UNK: variants seen among roughly 807,000 people sequenced by gnomAD.
UNK encodes the protein unk zinc finger, also known as RING finger protein unkempt homolog.
A neutral mutation model predicts 97.6 loss-of-function variants in UNK; 32 were observed. The ratio of observed to expected loss-of-function variants is 0.33; its 90% CI spans 0.25 to 0.44. The LOEUF is 0.44. Among genes scored for constraint, UNK ranks in the 20% least tolerant of loss-of-function variants. The pLI, the probability that UNK is intolerant of heterozygous loss-of-function variation, is 1.00. For synonymous variants in UNK, 441 were observed against 461.2 expected, an observed-to-expected ratio of 0.96 and a Z score of 0.56; for missense variants, 771 against 1,098.4, an observed-to-expected ratio of 0.70 and a Z score of 4.21.
In UNK at chr17:75,818,653, C is replaced by T; in HGVS notation, c.1383C>T (p.Gly461=). 1 of 1,594,974 alleles carries T rather than the reference C, an allele frequency of 6.3e-7. No homozygotes were observed. Among genetic ancestry groups the T allele is most frequent in the Admixed American group, 1.8e-5 (1 of 57,096 alleles). Residue 461 remains glycine, a synonymous_variant, in exon 11 of 16, where the codon GGC becomes GGT. Coordinates refer to ENST00000589666, the MANE Select transcript of UNK (RefSeq NM_001080419.3). This position sits in a 1 kb window ranked among gnomAD's most constrained non-coding sequence, Gnocchi z 5.1. ...CTCTCTCGTTGCAGGACATGCTGGG[C>T]ATCCTCCCCGCAGGCAGCCCCCTGA... ...PLLQPKQDML[G]ILPAGSPLTS...
chr17:75,809,492 G>A (rs2061948889), intron 1 of UNK, among the ~76,000 whole-genome samples: 1 of 152,216 alleles, frequency 6.6e-6, no homozygotes, highest in South Asian at 2.1e-4. Context: ...GCTGATTAAC[G>A]CCACAGCTGG....
At chr17:75,791,868 C>T in intron 1 of UNK, 1 of 985,394 alleles carries the variant, frequency 1.0e-6, no homozygotes, top group Non-Finnish European at 1.2e-6. Flanking sequence ...GGCAGCTGGA[C>T]AACTCTGAGA....
chr17:75,789,918 G>A (rs1463110220), intron 1 of UNK, among the ~76,000 whole-genome samples: 5 of 151,984 alleles, frequency 3.3e-5, no homozygotes, highest in African/African-American at 9.7e-5. Flanking sequence ...TGAGGTGGGC[G>A]GATCATGAGG....
Position 75,816,302 on chromosome 17 carries a change from A to T in UNK, c.962-468A>T, listed in dbSNP as rs1485530219. 6.6e-6 allele frequency among the ~76,000 whole-genome samples: 1 copy of T among 152,178 alleles called. No homozygotes were observed. The highest frequency in any genetic ancestry group is 1.5e-5 in the Non-Finnish European group (1 of 68,042). Reference sequence around the variant, plus strand: ...TCCAGGCTCAGGCCCTATCTCTGAGATGAGAATGGAAAATAAATCGAGGGC... The same window carrying T: ...TCCAGGCTCAGGCCCTATCTCTGAGTTGAGAATGGAAAATAAATCGAGGGC... On this transcript the variant is annotated intron_variant, in intron 7 of 15. Coordinates refer to ENST00000589666, the MANE Select transcript of UNK (RefSeq NM_001080419.3). The surrounding 1 kb of genome is among the most constrained non-coding windows in gnomAD (Gnocchi z 4.0).
intron 1 of UNK, among the ~76,000 whole-genome samples, chr17:75,795,246 A>G (rs191390282): frequency 2.6e-5 from 4 of 152,244 alleles, no homozygotes; most frequent in Admixed American, 6.5e-5. Flanking sequence ...ACATATTACT[A>G]AAGGGTCATA....
At chr17:75,809,134 T>C (rs900646276) in intron 1 of UNK, 2 of 151,682 alleles carry the variant, frequency 1.3e-5, no homozygotes, top group African/African-American at 2.4e-5. Flanking sequence ...AGAACTTCAG[T>C]ATGAGATTTT....
Position 75,817,537 on chromosome 17 carries a change from A to C in UNK, c.1305+11A>C, listed in dbSNP as rs2062028581. ...AATTTCAAATGCCAGGTAAGGGATG[A>C]GGGAGGCAGCAGTGAGGTTAGCCTT... On this transcript the variant is annotated intron_variant, in intron 9 of 15. Transcript: ENST00000589666. The surrounding 1 kb of genome is among the most constrained non-coding windows in gnomAD (Gnocchi z 5.8). 6.3e-7 allele frequency: 1 copy of C among 1,597,264 alleles called. No individual in the cohort carries two copies. Among genetic ancestry groups the C allele is most frequent in the African/African-American group, 1.3e-5 (1 of 74,588 alleles).
intron 2 of UNK, among the ~76,000 whole-genome samples, chr17:75,811,816 G>A (rs1172377377): frequency 6.6e-6 from 1 of 152,078 alleles, no homozygotes; most frequent in Non-Finnish European, 1.5e-5. Context: ...GTGAAACCCC[G>A]TCTCTACTAA....
At position 75,824,452 on chromosome 17, in the gene UNK, C is replaced by G. The variant is rs1237271735; in HGVS notation, c.*35C>G. 11 of 1,397,546 alleles carry G rather than the reference C, an allele frequency of 7.9e-6. No individual in the cohort carries two copies. The Admixed American group carries it at 3.1e-4, about 40-fold the overall frequency. 86.6% of individuals were successfully genotyped at this position (1,397,546 alleles called of 1,614,324 possible). On this transcript the variant is annotated 3_prime_UTR_variant, in exon 16 of 16. Coordinates refer to ENST00000589666, the MANE Select transcript of UNK (RefSeq NM_001080419.3). This position sits in a 1 kb window ranked among gnomAD's most constrained non-coding sequence, Gnocchi z 4.9. ...CCTGGCCCAGCCTGGCCCAGATCTT[C>G]TCACCTAGGACTTTTTAAAGTATAT...
chr17:75,819,331 G>A lies in UNK; in HGVS notation c.1547-353G>A, dbSNP rs2062044902. On this transcript the variant is annotated intron_variant, in intron 11 of 15. Transcript: ENST00000589666. This position sits in a 1 kb window ranked among gnomAD's most constrained non-coding sequence, Gnocchi z 5.4. ...ACCTGCTATACACCAGCCACTGAGTGCCCAGAGACCCGCCCACCCCCACTG... is the reference window on the plus strand; with the variant it reads ...ACCTGCTATACACCAGCCACTGAGTACCCAGAGACCCGCCCACCCCCACTG... 1 of 341,426 alleles carries A rather than the reference G, an allele frequency of 2.9e-6. No individual in the cohort carries two copies. The highest frequency in any genetic ancestry group is 2.1e-5 in the African/African-American group (1 of 47,238). 21.1% of individuals were successfully genotyped at this position (341,426 alleles called of 1,614,324 possible). A position where few individuals can be genotyped will look rare whatever the true frequency, so the allele number is the denominator to read the frequency against.
rs1162800588 is a variant in UNK, at chr17:75,819,291, G to A, written c.1547-393G>A. The A allele has an allele frequency of 3.9e-6, 1 of 258,270 alleles. No homozygotes were observed. Among genetic ancestry groups the A allele is most frequent in the Non-Finnish European group, 7.4e-6 (1 of 135,510 alleles). The allele number at this position is 258,270 out of a possible 1,614,324, so 16.0% of individuals were successfully genotyped here. On this transcript the variant is annotated intron_variant, in intron 11 of 15. Coordinates refer to ENST00000589666, the MANE Select transcript of UNK (RefSeq NM_001080419.3). The surrounding 1 kb of genome is among the most constrained non-coding windows in gnomAD (Gnocchi z 5.4). The stretch of plus-strand genomic sequence containing the variant: ...TCTAGAGGGAAACTTCCCACCCAGT[G>A]GACATTTGTCAAGCACCTGCTATAC...
Position 75,791,668 on chromosome 17 carries a change from TCTTAAA to T in UNK, c.104+6690_104+6695del. The T allele has an allele frequency of 8.7e-6, 8 of 916,206 alleles. No homozygotes were observed. In the South Asian group the frequency reaches 4.0e-4, roughly 46 times the overall value. The allele number at this position is 916,206 out of a possible 1,614,324, so 56.8% of individuals were successfully genotyped here. ...TTAAGTGCCCTTGCTAAGGGTAGATTCTTAAACTTAACACCTAGTTGATATTTGCTA... is the reference window on the plus strand; with the variant it reads ...TTAAGTGCCCTTGCTAAGGGTAGATTCTTAACACCTAGTTGATATTTGCTA... On this transcript the variant is annotated intron_variant, in intron 1 of 15. Coordinates refer to ENST00000589666, the MANE Select transcript of UNK (RefSeq NM_001080419.3).
At chr17:75,811,324 C>T (rs930455191) in intron 2 of UNK, among the ~76,000 whole-genome samples, 1 of 152,216 alleles carries the variant, frequency 6.6e-6, no homozygotes, top group South Asian at 2.1e-4. Flanking sequence ...AGGCTGGTCT[C>T]AAATTCCTGG....
chr17:75,819,623 C>A lies in UNK; in HGVS notation c.1547-61C>A. The A allele has an allele frequency of 6.7e-7, 1 of 1,502,336 alleles. No individual in the cohort carries two copies. The highest frequency in any genetic ancestry group is 9.3e-7 in the Non-Finnish European group (1 of 1,079,562). The allele number at this position is 1,502,336 out of a possible 1,614,324, so 93.1% of individuals were successfully genotyped here. A position where few individuals can be genotyped will look rare whatever the true frequency, so the allele number is the denominator to read the frequency against. Reference sequence around the variant, plus strand: ...GTGAAGATGCAGCGTGGGCAGTAGACGAGGTGGTCAGGGTCAGATAGTCCC... The same window carrying A: ...GTGAAGATGCAGCGTGGGCAGTAGAAGAGGTGGTCAGGGTCAGATAGTCCC... On this transcript the variant is annotated intron_variant, in intron 11 of 15. Coordinates refer to ENST00000589666, the MANE Select transcript of UNK (RefSeq NM_001080419.3). The surrounding 1 kb of genome is among the most constrained non-coding windows in gnomAD (Gnocchi z 5.4).
At chr17:75,821,598 T>C in intron 13 of UNK, 1 of 456,642 alleles carries the variant, frequency 2.2e-6, no homozygotes, top group Non-Finnish European at 4.4e-6. Flanking sequence ...TGGGTGCACT[T>C]GTGTGTCTCA....
intron 1 of UNK, chr17:75,785,371 C>G (rs906602420): frequency 5.6e-6 from 1 of 177,642 alleles, no homozygotes. Flanking sequence ...AGCCCCAGAA[C>G]CCACCTATGA....
Position 75,809,941 on chromosome 17 carries a change from G to C in UNK, c.286G>C (p.Ala96Pro). The C allele has an allele frequency of 6.2e-7, 1 of 1,613,680 alleles. No homozygotes were observed. The highest frequency in any genetic ancestry group is 8.5e-7 in the Non-Finnish European group (1 of 1,179,896). ...CGTCTACTGCACCAAGTACGACGAGGCTACAGGCCTCTGCCCGGAGGGCGA... is the reference window on the plus strand; with the variant it reads ...CGTCTACTGCACCAAGTACGACGAGCCTACAGGCCTCTGCCCGGAGGGCGA... ...PDVYCTKYDE[A>P]TGLCPEGDEC... The change falls in exon 2 of 16, where the codon GCT (alanine) becomes CCT (proline). Residue 96 changes from alanine to proline, a missense_variant. Around this residue, in one of 5 missense-constraint regions of UNK, gnomAD observed 246 missense variants for 440.7 expected, o/e 0.56. Transcript: ENST00000589666.
intron 2 of UNK, 69 bp from the exon 3 acceptor site, chr17:75,812,043 G>A: frequency 1.3e-6 from 2 of 1,498,212 alleles, no homozygotes; most frequent in South Asian, 1.3e-5. Flanking sequence ...TGGGGTAAGG[G>A]CAGGGGGTAG....
chr17:75,796,246 G>A (rs550151022), intron 1 of UNK, among the ~76,000 whole-genome samples: 1 of 151,886 alleles, frequency 6.6e-6, no homozygotes, highest in Admixed American at 6.6e-5. Context: ...TTCTAAATCA[G>A]GATCACTTTA....
Sources: allele counts gnomAD v4.1 joint callset (sites outside exome capture counted in the v4.1 genomes callset), GRCh38; gene constraint gnomAD v4.1.1; regional missense constraint gnomAD v4.1.1; non-coding constraint Gnocchi (gnomAD v3.1); transcripts MANE v1.5; gene names NCBI Gene and HGNC (gene_info 2026-07-23, HGNC 2026-07-21).